The following CERS3 variants were observed in gnomAD, a reference collection of about 807,000 sequenced individuals.
CERS3 encodes the protein ceramide synthase 3.
In CERS3, 33 loss-of-function variants were observed where a neutral mutation model predicts 50.3. That is an observed-to-expected ratio of 0.66 (90% confidence interval 0.50 to 0.88). The LOEUF is 0.88. Among genes scored for constraint, CERS3 ranks in the 40% least tolerant of loss-of-function variants. The pLI, the probability that CERS3 is intolerant of heterozygous loss-of-function variation, is 0.00. For missense variants in CERS3, 470 were observed against 460.3 expected, an observed-to-expected ratio of 1.02 and a Z score of -0.19; for synonymous variants, 176 against 155.2, an observed-to-expected ratio of 1.13 and a Z score of -0.99.
chr15:100,467,856 T>TAGATAGATAGAA (rs1475604132), intron 10 of CERS3, among the ~76,000 whole-genome samples: 3 of 46,828 alleles, frequency 6.4e-5, no homozygotes, highest in Non-Finnish European at 1.2e-4. Context: ...TATATATAGA[T>TAGATAGATAGAA]AGATAGATAG....
chr15:100,465,636 A>G lies in CERS3; in HGVS notation c.845+3742T>C, dbSNP rs115835224. On this transcript the variant is annotated intron_variant, in intron 10 of 11. Coordinates refer to ENST00000679737, the MANE Select transcript of CERS3 (RefSeq NM_001378789.1). ...CAATACAGAAATATTTTTACCAGGA[A>G]AAGTTTTTGCTGTTGTTTTGAACTT... 4.0e-3 allele frequency among the ~76,000 whole-genome samples: 608 copies of G among 152,168 alleles called. 3 individuals are homozygous for G. The highest frequency in any genetic ancestry group is 0.014 in the African/African-American group (573 of 41,478).
chr15:100,542,368 G>A (rs1431784107), intron 1 of CERS3, among the ~76,000 whole-genome samples: 2 of 152,208 alleles, frequency 1.3e-5, no homozygotes, highest in Non-Finnish European at 2.9e-5. Context: ...AACAGTAGAA[G>A]TAATGTATAA....
intron 1 of CERS3, among the ~76,000 whole-genome samples, chr15:100,522,517 C>T (rs754832461): frequency 7.9e-5 from 12 of 152,208 alleles, no homozygotes; most frequent in Non-Finnish European, 1.8e-4. Context: ...ACCATGGATC[C>T]GTGTTGCCTG....
At chr15:100,444,118 A>G (rs1033874488) in intron 11 of CERS3, among the ~76,000 whole-genome samples, 4 of 152,132 alleles carry the variant, frequency 2.6e-5, no homozygotes, top group Non-Finnish European at 5.9e-5. Flanking sequence ...ACTTGACCTT[A>G]CTGTTTCAGG....
At chr15:100,499,096 T>A (rs758954710) in intron 3 of CERS3, among the ~76,000 whole-genome samples, 5 of 152,194 alleles carry the variant, frequency 3.3e-5, no homozygotes, top group Non-Finnish European at 4.4e-5. Context: ...CATGACCTTA[T>A]GTTGCTGGGG....
Position 100,479,419 on chromosome 15 carries a change from T to C in CERS3, c.516+9A>G. 6.3e-7 allele frequency: 1 copy of C among 1,595,394 alleles called. No individual in the cohort carries two copies. Among genetic ancestry groups the C allele is most frequent in the East Asian group, 2.2e-5 (1 of 44,662 alleles). ...AAGTAAGGGGAGGAATATGTTATAG[T>C]GGACTTACCTGTTTGGGATAGCCAT... is the stretch of plus-strand genomic sequence containing the variant. On this transcript the variant is annotated intron_variant, in intron 7 of 11. Coordinates refer to ENST00000679737, the MANE Select transcript of CERS3 (RefSeq NM_001378789.1).
intron 10 of CERS3, among the ~76,000 whole-genome samples, chr15:100,464,178 T>C (rs1276410108): frequency 1.3e-5 from 2 of 152,194 alleles, no homozygotes; most frequent in African/African-American, 4.8e-5. Context: ...TACAAGCATA[T>C]GTATCCTTGG....
chr15:100,446,506 A>G (rs2033951910), intron 11 of CERS3, among the ~76,000 whole-genome samples: 1 of 151,930 alleles, frequency 6.6e-6, no homozygotes, highest in Admixed American at 6.6e-5. Context: ...CTCTTCAGTG[A>G]TCTTTGAGGC....
At position 100,469,491 on chromosome 15, in the gene CERS3, AAAAG is replaced by A. The variant is rs1280886758; in HGVS notation, c.739-11_739-8del. Reference sequence around the variant, plus strand: ...AAGAAAACATCTTAGCAGACTGCAAAAAAGAAAGAAACTGCAGATAAAGTGACAA... The same window carrying A: ...AAGAAAACATCTTAGCAGACTGCAAAAAAGAAACTGCAGATAAAGTGACAA... On this transcript the variant is annotated splice_region_variant and splice_polypyrimidine_tract_variant and intron_variant, in intron 9 of 11. Coordinates refer to ENST00000679737, the MANE Select transcript of CERS3 (RefSeq NM_001378789.1). The A allele has an allele frequency of 1.3e-6, 2 of 1,585,800 alleles. No homozygotes were observed. The highest frequency in any genetic ancestry group is 2.2e-5 in the East Asian group (1 of 44,738).
At position 100,501,528 on chromosome 15, in the gene CERS3, T is replaced by G. The variant is rs1374363623; in HGVS notation, c.173+149A>C. ...AAATAACATTTGGAGCGCATCTGAT[T>G]ACATTAACTCATCCCCAGAATCTGT... is the stretch of plus-strand genomic sequence containing the variant. On this transcript the variant is annotated intron_variant, in intron 3 of 11. Coordinates refer to ENST00000679737, the MANE Select transcript of CERS3 (RefSeq NM_001378789.1). 4.8e-6 allele frequency: 3 copies of G among 630,340 alleles called. No individual in the cohort carries two copies. The African/African-American group carries it at 5.5e-5, about 12-fold the overall frequency. 39.0% of individuals were successfully genotyped at this position (630,340 alleles called of 1,614,324 possible).
intron 1 of CERS3, among the ~76,000 whole-genome samples, chr15:100,533,997 A>C (rs552602909): frequency 6.6e-6 from 1 of 152,332 alleles, no homozygotes; most frequent in South Asian, 2.1e-4. Context: ...AAGGAGTCTT[A>C]GAATTAATTA....
chr15:100,417,172 A>G (rs2587839), intron 11 of CERS3, among the ~76,000 whole-genome samples: 54,957 of 149,884 alleles, frequency 0.37, 10,721 homozygotes, highest in East Asian at 0.55. Context: ...CTGAGGTACC[A>G]GGTTCATCTC....
Position 100,476,083 on chromosome 15 carries a change from T to C in CERS3, c.609+3A>G. On this transcript the variant is annotated splice_donor_region_variant and intron_variant, in intron 8 of 11. Coordinates refer to ENST00000679737, the MANE Select transcript of CERS3 (RefSeq NM_001378789.1). ...AAAGAAGCTTTGTAAATAAGACACT[T>C]ACCTTTCTCTTGACATCAAAGCCAA... 1 of 1,549,226 alleles carries C rather than the reference T, an allele frequency of 6.5e-7. No homozygotes were observed. Among genetic ancestry groups the C allele is most frequent in the East Asian group, 2.4e-5 (1 of 41,510 alleles).
Position 100,538,879 on chromosome 15 carries a change from C to G in CERS3, c.-355+5772G>C, listed in dbSNP as rs575995956. 1.4e-4 allele frequency among the ~76,000 whole-genome samples: 21 copies of G among 152,306 alleles called. No individual in the cohort carries two copies. The South Asian group carries it at 4.4e-3, about 32-fold the overall frequency. ...TGCAAATTTTCTGAGCCTGTATGCT[C>G]TGCAATTCTTTTAAACATAAGTTCC... On this transcript the variant is annotated intron_variant, in intron 1 of 12. Transcript: ENST00000284382.
intron 11 of CERS3, among the ~76,000 whole-genome samples, chr15:100,415,594 T>C (rs567410541): frequency 6.6e-6 from 1 of 152,250 alleles, no homozygotes; most frequent in South Asian, 2.1e-4. Flanking sequence ...ACATACACCA[T>C]GGAATACTAT....
chr15:100,462,596 T>G (rs1022116306), intron 10 of CERS3, among the ~76,000 whole-genome samples: 7 of 152,334 alleles, frequency 4.6e-5, no homozygotes, highest in African/African-American at 1.7e-4. Flanking sequence ...AACCCTACTT[T>G]CAAATTTAAT....
intron 2 of CERS3, among the ~76,000 whole-genome samples, chr15:100,511,369 T>G (rs1040072622): frequency 1.3e-5 from 2 of 152,122 alleles, no homozygotes; most frequent in Admixed American, 6.5e-5. Flanking sequence ...ACAAAGAACT[T>G]TTATCTAGAA....
At chr15:100,490,741 C>T (rs753116382) in intron 4 of CERS3, 76 bp downstream of exon 4, 8 of 858,740 alleles carry the variant, frequency 9.3e-6, no homozygotes, top group East Asian at 5.0e-5. Flanking sequence ...TTCTTGCACA[C>T]ACAAGGTAAG....
At chr15:100,527,467 T>C (rs541709950) in intron 1 of CERS3, among the ~76,000 whole-genome samples, 3 of 152,346 alleles carry the variant, frequency 2.0e-5, no homozygotes, top group Middle Eastern at 3.4e-3. Context: ...TGGCCTTTTG[T>C]TATAAGACAC....
Sources: gnomAD v4.1 joint callset for allele counts (sites outside exome capture counted in the v4.1 genomes callset) on GRCh38, gnomAD v4.1.1 for gene constraint, MANE v1.5 for transcripts, NCBI Gene and HGNC (gene_info 2026-07-23, HGNC 2026-07-21) for gene names.